Variants in HOPX observed in about 807,000 individuals in gnomAD.
HOPX encodes homeodomain-only protein.
A neutral mutation model predicts 11.8 loss-of-function variants in HOPX; 5 were observed. The observed-to-expected ratio is 0.43, with a 90% CI of 0.22 to 0.89. HOPX has a LOEUF of 0.89. Among genes scored for constraint, HOPX ranks in the 40% least tolerant of loss-of-function variants. The probability of loss-of-function intolerance (pLI) is 0.28; values close to 1 mark genes in which losing one functional copy is unlikely to be tolerated. For missense variants in HOPX, 119 were observed against 120.0 expected (o/e 0.99, Z 0.04); for synonymous variants, 49 against 49.7 (o/e 0.99, Z 0.06).
At chr4:56,669,523 G>A (rs988028145) in intron 1 of HOPX, among the ~76,000 whole-genome samples, 3 of 152,114 alleles carry the variant, frequency 2.0e-5, no homozygotes. Context: ...GCCAGATGAG[G>A]TGGTGGGGGC....
At chr4:56,681,452 A>C, upstream of HOPX, 2 of 990,116 alleles carry the variant, frequency 2.0e-6, no homozygotes, top group Non-Finnish European at 2.4e-6. Flanking sequence ...TGCCGAGGTT[A>C]CGTCTCTCCT....
intron 1 of HOPX, among the ~76,000 whole-genome samples, chr4:56,677,975 C>T (rs771425988): frequency 2.6e-5 from 4 of 151,464 alleles, no homozygotes; most frequent in Non-Finnish European, 4.4e-5. Context: ...AGATATTAAT[C>T]GGGAAAAAAA....
Position 56,655,895 on chromosome 4 carries a change from T to A in HOPX, c.160A>T (p.Ile54Phe), listed in dbSNP as rs1462257005. Residue 54 changes from isoleucine to phenylalanine, a missense_variant, in exon 3 of 4, where the codon ATC (isoleucine) becomes TTC (phenylalanine). Transcript: ENST00000420433. ...KHPDSTTLCL[I>F]AAEAGLSEEE... The stretch of plus-strand genomic sequence containing the variant: ...TCGGAAAGGCCTGCCTCGGCCGCGA[T>A]GAGGCACAGCGTGGTGGAATCCGGG... 4 of 1,612,054 alleles carry A rather than the reference T, an allele frequency of 2.5e-6. No homozygotes were observed. The East Asian group carries it at 6.7e-5, about 27-fold the overall frequency.
chr4:56,668,921 T>C (rs1027913495), intron 1 of HOPX, among the ~76,000 whole-genome samples: 4 of 152,354 alleles, frequency 2.6e-5, no homozygotes, highest in African/African-American at 9.6e-5. Flanking sequence ...TTCTCTTCTC[T>C]GTAAAATGTG....
chr4:56,665,753 T>C (rs922560263), intron 1 of HOPX: 1 of 152,178 alleles, frequency 6.6e-6, no homozygotes, highest in Non-Finnish European at 1.5e-5. Context: ...ATTTTATATA[T>C]GTAGAAACTT....
intron 3 of HOPX, among the ~76,000 whole-genome samples, chr4:56,655,413 G>C (rs1016180032): frequency 1.2e-4 from 18 of 152,162 alleles, no homozygotes; most frequent in African/African-American, 4.1e-4. Flanking sequence ...TGGTCTCTGG[G>C]GCGCCTTCCA....
intron 1 of HOPX, among the ~76,000 whole-genome samples, chr4:56,670,884 C>T (rs1251558244): frequency 6.6e-6 from 1 of 151,874 alleles, no homozygotes; most frequent in Non-Finnish European, 1.5e-5. Flanking sequence ...GCAATCTCAG[C>T]TACTCGGGAG....
intron 3 of HOPX, chr4:56,650,657 T>C: frequency 6.4e-7 from 1 of 1,551,282 alleles, no homozygotes. Context: ...TGAAATCCTT[T>C]ACACAGTTGT....
At position 56,648,075 on chromosome 4, in the gene HOPX, C is replaced by T. The variant is rs1220310297; in HGVS notation, c.*645G>A. 1 of 152,150 alleles carries T rather than the reference C, an allele frequency of 6.6e-6. No individual in the cohort carries two copies. Among genetic ancestry groups the T allele is most frequent in the African/African-American group, 2.4e-5 (1 of 41,436 alleles). The allele number at this position is 152,150 out of a possible 1,614,324, so 9.4% of individuals were successfully genotyped here. A position where few individuals can be genotyped will look rare whatever the true frequency, so the allele number is the denominator to read the frequency against. On this transcript the variant is annotated 3_prime_UTR_variant, in exon 4 of 4. Transcript: ENST00000420433. ...AGTTCACTTTATTTAGCAAAATAAA[C>T]TTAACCAATGCATTTAAATATAGTA...
intron 1 of HOPX, among the ~76,000 whole-genome samples, chr4:56,671,558 T>C (rs1378039600): frequency 2.6e-5 from 4 of 152,096 alleles, no homozygotes; most frequent in Non-Finnish European, 2.9e-5. Context: ...CAACCACCCA[T>C]GCTGCTTGTT....
In HOPX at chr4:56,669,756, G is replaced by A. The variant is rs1718638593; in HGVS notation, c.-84+11499C>T. Among the ~76,000 whole-genome samples the A allele has an allele frequency of 4.6e-5, 7 of 151,888 alleles. No homozygotes were observed. The South Asian group carries it at 1.2e-3, about 27-fold the overall frequency. On this transcript the variant is annotated intron_variant, in intron 1 of 3. Transcript: ENST00000420433. ...AGAGTTCCAGGCAAACCTGGATATC[G>A]GGTCCCCTTATTATACATAAAATGT...
chr4:56,668,287 T>C (rs1718546142), intron 1 of HOPX, among the ~76,000 whole-genome samples: 2 of 152,176 alleles, frequency 1.3e-5, no homozygotes, highest in Non-Finnish European at 2.9e-5. Context: ...CAAAGGAGAA[T>C]GGAAATATCA....
In HOPX at chr4:56,648,775, G is replaced by T. The variant is rs758285250; in HGVS notation, c.221C>A (p.Ala74Glu). 2 of 1,609,474 alleles carry T rather than the reference G, an allele frequency of 1.2e-6. No individual in the cohort carries two copies. The highest frequency in any genetic ancestry group is 4.5e-5 in the East Asian group (2 of 44,828). The change falls in exon 4 of 4, where the codon GCA becomes GAA. Residue 74 changes from alanine to glutamate, a missense_variant. Ala to Glu is a moderately radical substitution (Grantham distance 107). Transcript: ENST00000420433. ...CAGGCCTTCTGAGCGCCGCCACTTT[G>T]CCAGGCGCTGCTTAAACCATTTCTG... Reference protein sequence around the residue: ...ETQKWFKQRLAKWRRSEGLPS... With the variant: ...ETQKWFKQRLEKWRRSEGLPS...
intron 1 of HOPX, among the ~76,000 whole-genome samples, chr4:56,677,915 A>G (rs1355399560): frequency 3.3e-5 from 5 of 151,680 alleles, no homozygotes; most frequent in African/African-American, 1.2e-4. Flanking sequence ...CAGAGTGCCC[A>G]GTGTGTACAC....
intron 1 of HOPX, among the ~76,000 whole-genome samples, chr4:56,675,866 G>A (rs1431145385): frequency 6.6e-6 from 1 of 151,724 alleles, no homozygotes; most frequent in Non-Finnish European, 1.5e-5. Context: ...GGCTGCTTCA[G>A]GATCCCCAGG....
Position 56,671,173 on chromosome 4 carries a change from G to GT in HOPX, c.-84+10081dup, listed in dbSNP as rs982667828. Among the ~76,000 whole-genome samples, 32 of 152,018 alleles carry GT rather than the reference G, an allele frequency of 2.1e-4. 1 individual carries two copies. The highest frequency in any genetic ancestry group is 6.5e-4 in the African/African-American group (27 of 41,388). ...TTCTGGGGATGTGACATCATGATTG[G>GT]TTTTTTTGAAAATATATGCTGGGTT... On this transcript the variant is annotated intron_variant, in intron 1 of 3. Transcript: ENST00000420433.
At chr4:56,651,863 AGAGAGAGAGAGTGTGTGT>A in intron 3 of HOPX, among the ~76,000 whole-genome samples, 1 of 67,184 alleles carries the variant, frequency 1.5e-5, no homozygotes, top group East Asian at 4.2e-4. Flanking sequence ...AGAGAAAGAG[AGAGAGAGAGAGTGTGTGT>A]GTGTGTGTGT....
At chr4:56,655,410 T>C (rs1461151743) in intron 3 of HOPX, among the ~76,000 whole-genome samples, 3 of 152,160 alleles carry the variant, frequency 2.0e-5, no homozygotes, top group African/African-American at 7.2e-5. Flanking sequence ...AGCTGGTCTC[T>C]GGGGCGCCTT....
intron 1 of HOPX, among the ~76,000 whole-genome samples, chr4:56,658,412 T>C (rs1204175099): frequency 2.0e-5 from 3 of 152,330 alleles, no homozygotes; most frequent in East Asian, 1.9e-4. Flanking sequence ...CTGAGAATCA[T>C]TGGCTTTGGT....
Sources: gnomAD v4.1 joint callset for allele counts (sites outside exome capture counted in the v4.1 genomes callset) on GRCh38, gnomAD v4.1.1 for gene constraint, MANE v1.5 for transcripts, NCBI Gene and HGNC (gene_info 2026-07-23, HGNC 2026-07-21) for gene names.